PARD3: variants seen among roughly 807,000 people sequenced by gnomAD.
The protein encoded by PARD3 is partitioning defective 3 homolog.
Under a neutral mutation model 155.4 loss-of-function variants are expected in PARD3, and 75 were observed. The ratio of observed to expected loss-of-function variants is 0.48; its 90% CI spans 0.40 to 0.58. The LOEUF (loss-of-function observed/expected upper bound fraction) is 0.58, where lower values mean the gene tolerates loss of function less well. Among genes scored for constraint, PARD3 ranks in the 20% least tolerant of loss-of-function variants. The probability of loss-of-function intolerance (pLI) is 0.00; values close to 1 mark genes in which losing one functional copy is unlikely to be tolerated. For missense variants in PARD3, 1,642 were observed against 1,721.7 expected (o/e 0.95, Z 0.82); for synonymous variants, 576 against 610.5 (o/e 0.94, Z 0.83).
At chr10:34,382,278 T>A (rs1340689686) in intron 9 of PARD3, among the ~76,000 whole-genome samples, 1 of 152,244 alleles carries the variant, frequency 6.6e-6, no homozygotes, top group Non-Finnish European at 1.5e-5. Flanking sequence ...CTTCTTCTCA[T>A]AGACATAGTC....
intron 24 of PARD3, among the ~76,000 whole-genome samples, chr10:34,114,994 T>C (rs1235995391): frequency 6.6e-6 from 1 of 151,668 alleles, no homozygotes; most frequent in African/African-American, 2.4e-5. Flanking sequence ...ACCTAAAGAT[T>C]ATCACCTAAA....
chr10:34,347,121 T>G (rs901365527), intron 15 of PARD3, among the ~76,000 whole-genome samples: 1 of 152,264 alleles, frequency 6.6e-6, no homozygotes, highest in Non-Finnish European at 1.5e-5. Context: ...TGGAGTTAAA[T>G]TTAGGGTTTT....
intron 2 of PARD3, among the ~76,000 whole-genome samples, chr10:34,567,661 T>G (rs1050353590): frequency 2.0e-5 from 3 of 152,232 alleles, no homozygotes; most frequent in African/African-American, 7.2e-5. Context: ...AGTTATGCAC[T>G]TTGACAATTT....
intron 22 of PARD3, among the ~76,000 whole-genome samples, chr10:34,195,130 G>T (rs77350547): frequency 1.3e-5 from 2 of 152,124 alleles, no homozygotes; most frequent in Non-Finnish European, 2.9e-5. Context: ...AATAATTAAC[G>T]GAGTAGCTGC....
chr10:34,636,656 G>C (rs1188142099), intron 2 of PARD3, among the ~76,000 whole-genome samples: 2 of 152,296 alleles, frequency 1.3e-5, no homozygotes, highest in Admixed American at 1.3e-4. Context: ...CACCCAATTA[G>C]AATAAATTGA....
intron 1 of PARD3, among the ~76,000 whole-genome samples, chr10:34,734,847 T>C (rs1391265805): frequency 6.6e-6 from 1 of 152,160 alleles, no homozygotes; most frequent in Non-Finnish European, 1.5e-5. Flanking sequence ...TAGATGTTAA[T>C]ACCCAAAAGC....
At chr10:34,421,763 C>T (rs956638625) in intron 5 of PARD3, among the ~76,000 whole-genome samples, 98 of 152,216 alleles carry the variant, frequency 6.4e-4, no homozygotes, top group African/African-American at 2.3e-3. Context: ...CCTTCTGAAA[C>T]TCATATTTTA....
At chr10:34,309,925 A>G (rs1174555940) in intron 20 of PARD3, among the ~76,000 whole-genome samples, 1 of 150,030 alleles carries the variant, frequency 6.7e-6, no homozygotes, top group African/African-American at 2.4e-5. Flanking sequence ...CTGCAAGCAG[A>G]GAGGTTAATA....
In PARD3 at chr10:34,720,089, G is replaced by T. The variant is rs112310452; in HGVS notation, c.121-23670C>A. On this transcript the variant is annotated intron_variant, in intron 1 of 24. Coordinates refer to ENST00000374788, the MANE Select transcript of PARD3 (RefSeq NM_001184785.2). ...GTATGTTAGGATACAATTTCCCCCTGAAGTAAATACTGAAACACTGACATG... is the reference window on the plus strand; with the variant it reads ...GTATGTTAGGATACAATTTCCCCCTTAAGTAAATACTGAAACACTGACATG... Among the ~76,000 whole-genome samples the T allele has an allele frequency of 5.5e-3, 841 of 152,300 alleles. 8 individuals are homozygous for T. The highest frequency in any genetic ancestry group is 0.019 in the African/African-American group (799 of 41,558).
rs116983047 is a variant in PARD3, at chr10:34,473,892, C to T, written c.404-3629G>A. ...TGCTACTCTCTGCCCATAGAGCACCCCTGCTCTGCAGAAGCAGTCACAGAG... is the reference window on the plus strand; with the variant it reads ...TGCTACTCTCTGCCCATAGAGCACCTCTGCTCTGCAGAAGCAGTCACAGAG... On this transcript the variant is annotated intron_variant, in intron 3 of 24. Coordinates refer to ENST00000374788, the MANE Select transcript of PARD3 (RefSeq NM_001184785.2). 4.0e-3 allele frequency among the ~76,000 whole-genome samples: 614 copies of T among 152,340 alleles called. 2 individuals carry two copies. The highest frequency in any genetic ancestry group is 6.9e-3 in the Non-Finnish European group (466 of 68,024).
intron 2 of PARD3, among the ~76,000 whole-genome samples, chr10:34,561,952 T>C: frequency 6.7e-6 from 1 of 149,704 alleles, no homozygotes; most frequent in South Asian, 2.2e-4. Flanking sequence ...GCCAACATGG[T>C]GAAACCCCAT....
At position 34,378,072 on chromosome 10, in the gene PARD3, T is replaced by G; in HGVS notation, c.1434A>C (p.Arg478Ser). The G allele has an allele frequency of 6.3e-7, 1 of 1,595,718 alleles. No homozygotes were observed. Among genetic ancestry groups the G allele is most frequent in the Non-Finnish European group, 8.5e-7 (1 of 1,172,528 alleles). Residue 478 changes from arginine to serine, a missense_variant, in exon 10 of 25, where the codon AGA (arginine) becomes AGC (serine). Physicochemically the swap from Arg to Ser is moderately radical, Grantham distance 110 (BLOSUM62 -1). This residue lies in a region of PARD3 where 1,529 missense variants were observed against 1,587.3 expected (regional missense o/e 0.96). Coordinates refer to ENST00000374788, the MANE Select transcript of PARD3 (RefSeq NM_001184785.2). ...TEGLGFSITS[R>S]DVTIGGSAPI... ...GAGCTGAGCCACCTATTGTTACATCTCTGGAAGTGATGCTGAATCCCAAAC... is the reference window on the plus strand; with the variant it reads ...GAGCTGAGCCACCTATTGTTACATCGCTGGAAGTGATGCTGAATCCCAAAC...
intron 2 of PARD3, among the ~76,000 whole-genome samples, chr10:34,608,396 C>CA (rs1361739093): frequency 6.6e-6 from 1 of 152,042 alleles, no homozygotes; most frequent in Non-Finnish European, 1.5e-5. Flanking sequence ...TTAAAAAGGA[C>CA]AAAAAACCTT....
chr10:34,623,979 CAAA>C (rs767945506), intron 2 of PARD3, among the ~76,000 whole-genome samples: 3 of 120,364 alleles, frequency 2.5e-5, no homozygotes, highest in African/African-American at 5.6e-5. Context: ...GACTCCGTCT[CAAA>C]AAAAAAAAAA....
intron 2 of PARD3, among the ~76,000 whole-genome samples, chr10:34,590,439 A>G (rs2088565913): frequency 6.6e-6 from 1 of 152,248 alleles, no homozygotes; most frequent in South Asian, 2.1e-4. Flanking sequence ...AGACATAAGC[A>G]TTCACTGAAA....
intron 5 of PARD3, among the ~76,000 whole-genome samples, chr10:34,410,892 C>T (rs534209323): frequency 6.6e-6 from 1 of 152,314 alleles, no homozygotes; most frequent in East Asian, 1.9e-4. Flanking sequence ...TGTAACATTA[C>T]CCATAGAGCA....
At chr10:34,503,321 T>C (rs1011657086) in intron 3 of PARD3, among the ~76,000 whole-genome samples, 2 of 152,174 alleles carry the variant, frequency 1.3e-5, no homozygotes, top group African/African-American at 2.4e-5. Flanking sequence ...ATAGGTTGAG[T>C]ACCCTAGCAG....
At chr10:34,124,075 G>A (rs906895242) in intron 23 of PARD3, among the ~76,000 whole-genome samples, 9 of 152,064 alleles carry the variant, frequency 5.9e-5, no homozygotes, top group African/African-American at 1.9e-4. Flanking sequence ...GGGTGTGCAC[G>A]TGTATATATA....
At chr10:34,204,289 T>C (rs1564479773) in intron 22 of PARD3, among the ~76,000 whole-genome samples, 5 of 152,154 alleles carry the variant, frequency 3.3e-5, no homozygotes, top group Admixed American at 2.6e-4. Context: ...TGGGGTTTTA[T>C]TAGTGGCTTA....
Sources: gnomAD v4.1 joint callset for allele counts (sites outside exome capture counted in the v4.1 genomes callset) on GRCh38, gnomAD v4.1.1 for gene constraint, gnomAD v4.1.1 regional missense constraint, MANE v1.5 for transcripts, NCBI Gene and HGNC (gene_info 2026-07-23, HGNC 2026-07-21) for gene names.